DGKB: variants seen among roughly 807,000 people sequenced by gnomAD.
DGKB encodes the protein diacylglycerol kinase beta.
A neutral mutation model predicts 114.3 loss-of-function variants in DGKB; 67 were observed. That is an observed-to-expected ratio of 0.59 (90% confidence interval 0.48 to 0.72). The LOEUF is 0.72. DGKB is among the 30% of genes least tolerant of loss of function. The probability of loss-of-function intolerance (pLI) is 0.00; values close to 1 mark genes in which losing one functional copy is unlikely to be tolerated. For synonymous variants in DGKB, 398 were observed against 323.1 expected (o/e 1.23, Z -2.49); for missense variants, 907 against 975.2 (o/e 0.93, Z 0.93).
At chr7:14,933,640 T>A (rs1440931490) in intron 1 of DGKB, among the ~76,000 whole-genome samples, 3 of 152,154 alleles carry the variant, frequency 2.0e-5, no homozygotes, top group Admixed American at 6.6e-5. Context: ...CTTATTCAAT[T>A]TCCAAAACTA....
chr7:14,492,913 T>C (rs1784795240), intron 20 of DGKB, among the ~76,000 whole-genome samples: 1 of 152,112 alleles, frequency 6.6e-6, no homozygotes, highest in Non-Finnish European at 1.5e-5. Context: ...TAAATAGTAA[T>C]AGCCATAGTC....
chr7:14,500,434 G>A (rs1785978126), intron 20 of DGKB, among the ~76,000 whole-genome samples: 1 of 150,440 alleles, frequency 6.6e-6, no homozygotes, highest in Non-Finnish European at 1.5e-5. Flanking sequence ...TGGAGTAAGG[G>A]TTTAAGATAA....
intron 21 of DGKB, among the ~76,000 whole-genome samples, chr7:14,363,651 A>T (rs1374623222): frequency 4.6e-5 from 7 of 152,050 alleles, no homozygotes; most frequent in Non-Finnish European, 1.0e-4. Flanking sequence ...TATATGGAGG[A>T]TACAGTTAGT....
At chr7:14,240,890 C>T (rs1793538666) in intron 23 of DGKB, among the ~76,000 whole-genome samples, 1 of 151,994 alleles carries the variant, frequency 6.6e-6, no homozygotes, top group African/African-American at 2.4e-5. Context: ...ATATATTCTC[C>T]TTATTGAATT....
intron 1 of DGKB, among the ~76,000 whole-genome samples, chr7:14,897,427 G>T (rs892363697): frequency 1.3e-4 from 20 of 151,738 alleles, no homozygotes; most frequent in African/African-American, 4.8e-4. Flanking sequence ...AGCTATGATT[G>T]AATTAAAATC....
chr7:14,811,608 G>T (rs1209294268), intron 2 of DGKB, among the ~76,000 whole-genome samples: 2 of 152,096 alleles, frequency 1.3e-5, no homozygotes, highest in East Asian at 3.9e-4. Context: ...ATGGAAAAAT[G>T]AGTATATCAT....
chr7:14,209,970 A>T (rs1787492279), intron 23 of DGKB, among the ~76,000 whole-genome samples: 1 of 151,936 alleles, frequency 6.6e-6, no homozygotes, highest in Non-Finnish European at 1.5e-5. Context: ...TGCACTAATA[A>T]ATGGGTGGTC....
rs143730277 is a variant in DGKB, at chr7:14,653,508, G to A, written c.1134+19421C>T. Among the ~76,000 whole-genome samples the A allele has an allele frequency of 7.3e-3, 1,111 of 152,104 alleles. 12 individuals carry two copies. Among genetic ancestry groups the A allele is most frequent in the Non-Finnish European group, 0.012 (831 of 67,984 alleles). Reference sequence around the variant, plus strand: ...TATCACACTCTGGGGACTGTTGTGGGGTGGGGGTAGGGGGGAGGGATAGCA... The same window carrying A: ...TATCACACTCTGGGGACTGTTGTGGAGTGGGGGTAGGGGGGAGGGATAGCA... On this transcript the variant is annotated intron_variant, in intron 13 of 25. Transcript: ENST00000402815.
At chr7:14,401,345 A>G (rs1326614593) in intron 21 of DGKB, among the ~76,000 whole-genome samples, 1 of 151,902 alleles carries the variant, frequency 6.6e-6, no homozygotes, top group African/African-American at 2.4e-5. Flanking sequence ...AGCCTGAGAA[A>G]GCATATCTGT....
chr7:14,362,059 A>T lies in DGKB; in HGVS notation c.1836-16668T>A, dbSNP rs543393100. On this transcript the variant is annotated intron_variant, in intron 21 of 25. Coordinates refer to ENST00000402815, the MANE Select transcript of DGKB (RefSeq NM_001350709.2). ...TTACGGTCACTCATTTAGGTTAGTG[A>T]CTCATTTAGATACGCTTTCTATACT... 2.6e-5 allele frequency among the ~76,000 whole-genome samples: 4 copies of T among 152,042 alleles called. No homozygotes were observed. The East Asian group carries it at 7.7e-4, about 29-fold the overall frequency.
At chr7:14,395,056 A>G (rs549991067) in intron 21 of DGKB, among the ~76,000 whole-genome samples, 1 of 152,272 alleles carries the variant, frequency 6.6e-6, no homozygotes, top group Admixed American at 6.5e-5. Context: ...TAGACTCCTA[A>G]TCAACATATT....
chr7:14,526,161 C>T (rs1234388619), intron 20 of DGKB, among the ~76,000 whole-genome samples: 1 of 152,036 alleles, frequency 6.6e-6, no homozygotes, highest in African/African-American at 2.4e-5. Flanking sequence ...TAATTATATA[C>T]TATCAAGGTC....
intron 2 of DGKB, among the ~76,000 whole-genome samples, chr7:14,758,495 T>TA (rs1835209846): frequency 6.6e-6 from 1 of 152,100 alleles, no homozygotes; most frequent in Admixed American, 6.6e-5. Context: ...TAGAAGGAAA[T>TA]AATAGCTAAC....
At chr7:14,173,659 A>G (rs1212179223) in intron 25 of DGKB, among the ~76,000 whole-genome samples, 1 of 152,192 alleles carries the variant, frequency 6.6e-6, no homozygotes, top group Non-Finnish European at 1.5e-5. Context: ...TGGGTTATTC[A>G]ACTGAAGCAA....
upstream of DGKB, among the ~76,000 whole-genome samples, chr7:14,904,036 C>T (rs1442580424): frequency 6.6e-6 from 1 of 152,172 alleles, no homozygotes; most frequent in African/African-American, 2.4e-5. Flanking sequence ...TGGCTGCTCT[C>T]ATTAATCTCC....
At chr7:14,397,887 C>A (rs980640757) in intron 21 of DGKB, among the ~76,000 whole-genome samples, 24 of 151,974 alleles carry the variant, frequency 1.6e-4, no homozygotes, top group Non-Finnish European at 2.6e-4. Flanking sequence ...CTCAACAATT[C>A]GGCTTTATTT....
intron 23 of DGKB, among the ~76,000 whole-genome samples, chr7:14,212,950 A>G (rs984268788): frequency 2.0e-5 from 3 of 152,052 alleles, no homozygotes; most frequent in Non-Finnish European, 4.4e-5. Context: ...AAAAATGGCA[A>G]TAATTGTCCT....
At chr7:14,174,000 T>C (rs1425930962) in intron 25 of DGKB, among the ~76,000 whole-genome samples, 1 of 152,192 alleles carries the variant, frequency 6.6e-6, no homozygotes, top group African/African-American at 2.4e-5. Flanking sequence ...CAAAAGTAGT[T>C]AAAAGTGCTT....
intron 20 of DGKB, among the ~76,000 whole-genome samples, chr7:14,544,798 A>G (rs1237776935): frequency 6.6e-6 from 1 of 151,972 alleles, no homozygotes; most frequent in Non-Finnish European, 1.5e-5. Flanking sequence ...ATTCCTTAGG[A>G]GTGTCTTTTT....
Sources: allele counts gnomAD v4.1 joint callset (sites outside exome capture counted in the v4.1 genomes callset), GRCh38; gene constraint gnomAD v4.1.1; transcripts MANE v1.5; gene names NCBI Gene and HGNC (gene_info 2026-07-23, HGNC 2026-07-21).